The following ZDHHC14 variants were observed in gnomAD, a reference collection of about 807,000 sequenced individuals.
ZDHHC14 encodes zDHHC palmitoyltransferase 14.
In ZDHHC14, 16 loss-of-function variants were observed where a neutral mutation model predicts 47.7. That is an observed-to-expected ratio of 0.34 (90% CI 0.23 to 0.51). The LOEUF is 0.51. Among genes scored for constraint, ZDHHC14 ranks in the 20% least tolerant of loss-of-function variants. The pLI is 0.97. For synonymous variants in ZDHHC14, 293 were observed against 278.9 expected (o/e 1.05, Z -0.50); for missense variants, 515 against 662.5 (o/e 0.78, Z 2.44).
chr6:157,406,519 G>T (rs1777768730), intron 1 of ZDHHC14, among the ~76,000 whole-genome samples: 1 of 152,214 alleles, frequency 6.6e-6, no homozygotes, highest in Non-Finnish European at 1.5e-5. Context: ...GAAATATCTG[G>T]TTAAGCCAGG....
At chr6:157,420,453 C>T (rs190390157) in intron 1 of ZDHHC14, among the ~76,000 whole-genome samples, 68 of 146,626 alleles carry the variant, frequency 4.6e-4, no homozygotes, top group Middle Eastern at 3.8e-3. Flanking sequence ...TGGGCTGAAT[C>T]GAGGCACTAA....
At position 157,672,814 on chromosome 6, in the gene ZDHHC14, G is replaced by A. The variant is rs754474697; in HGVS notation, c.1159G>A (p.Asp387Asn). 12 of 1,612,470 alleles carry A rather than the reference G, an allele frequency of 7.4e-6. No homozygotes were observed. Among genetic ancestry groups the A allele is most frequent in the East Asian group, 2.2e-5 (1 of 44,846 alleles). The change falls in exon 9 of 9, where the codon GAC (aspartate) becomes AAC (asparagine). Residue 387 changes from aspartate to asparagine, a missense_variant. This residue lies in a region of ZDHHC14 where 221 missense variants were observed against 233.6 expected (regional missense o/e 0.95). Transcript: ENST00000359775. ...LLQSEPSLTS[D>N]ELHLPGKPGL... ...GCAGAGCGAGCCCAGCCTCACCAGCGACGAGCTGCACCTGCCCGGGAAGCC... is the reference window on the plus strand; with the variant it reads ...GCAGAGCGAGCCCAGCCTCACCAGCAACGAGCTGCACCTGCCCGGGAAGCC...
chr6:157,631,388 G>C (rs1258151164), intron 4 of ZDHHC14: 2 of 152,210 alleles, frequency 1.3e-5, no homozygotes, highest in Non-Finnish European at 2.9e-5. Flanking sequence ...CTGGGCAAAA[G>C]CAAATAAAAC....
At chr6:157,405,801 G>C (rs1777747475) in intron 1 of ZDHHC14, among the ~76,000 whole-genome samples, 1 of 152,128 alleles carries the variant, frequency 6.6e-6, no homozygotes, top group South Asian at 2.1e-4. Flanking sequence ...TTGATGTAAT[G>C]ACTGGCCTTA....
At chr6:157,457,227 A>C (rs367930626) in intron 1 of ZDHHC14, among the ~76,000 whole-genome samples, 4 of 149,682 alleles carry the variant, frequency 2.7e-5, no homozygotes, top group Admixed American at 6.6e-5. Context: ...TTGGCGCCAG[A>C]GTGGGCCACA....
At chr6:157,433,762 C>T (rs1039960050) in intron 1 of ZDHHC14, among the ~76,000 whole-genome samples, 1 of 152,246 alleles carries the variant, frequency 6.6e-6, no homozygotes, top group African/African-American at 2.4e-5. Context: ...TGGCCTTTAT[C>T]GGCCTTGACG....
intron 2 of ZDHHC14, among the ~76,000 whole-genome samples, chr6:157,573,992 A>G (rs150870696): frequency 0.042 from 6,306 of 151,876 alleles, 157 homozygotes; most frequent in Non-Finnish European, 0.056. Context: ...TTAGGTTCCT[A>G]GGGCCTCGGC....
chr6:157,548,324 A>G (rs1167431478), intron 2 of ZDHHC14, among the ~76,000 whole-genome samples: 1 of 152,200 alleles, frequency 6.6e-6, no homozygotes, highest in Non-Finnish European at 1.5e-5. Flanking sequence ...TGACTAGGCC[A>G]TGGAGGTCCA....
intron 1 of ZDHHC14, among the ~76,000 whole-genome samples, chr6:157,508,930 C>A (rs147196145): frequency 0.028 from 4,264 of 152,200 alleles, 177 homozygotes; most frequent in African/African-American, 0.097. Flanking sequence ...AAAGAGAGAG[C>A]CCACTTCCAG....
At position 157,537,113 on chromosome 6, in the gene ZDHHC14, C is replaced by T. The variant is rs1049885127; in HGVS notation, c.246-5472C>T. ...GATTACAGGCGTGAGCCACCGCGCC[C>T]GGCTCCATCTATCTTTTTAATGACC... On this transcript the variant is annotated intron_variant, in intron 1 of 8. Coordinates refer to ENST00000359775, the MANE Select transcript of ZDHHC14 (RefSeq NM_024630.3). 2.2e-4 allele frequency among the ~76,000 whole-genome samples: 12 copies of T among 55,710 alleles called. 3 individuals carry two copies. The highest frequency in any genetic ancestry group is 4.5e-4 in the Non-Finnish European group (11 of 24,268). The allele number at this position is 55,710 out of a possible 152,430, so 36.5% of individuals were successfully genotyped here. A position where few individuals can be genotyped will look rare whatever the true frequency, so the allele number is the denominator to read the frequency against.
chr6:157,500,462 G>C (rs1371342003), intron 1 of ZDHHC14, among the ~76,000 whole-genome samples: 1 of 152,090 alleles, frequency 6.6e-6, no homozygotes, highest in Non-Finnish European at 1.5e-5. Context: ...ACGTAAGGGG[G>C]CAGGAGAGGA....
intron 2 of ZDHHC14, among the ~76,000 whole-genome samples, chr6:157,573,999 C>T (rs191252640): frequency 2.1e-4 from 32 of 152,018 alleles, no homozygotes; most frequent in African/African-American, 6.5e-4. Context: ...CCTAGGGCCT[C>T]GGCTGTGCTA....
chr6:157,663,117 A>T (rs908245695), intron 8 of ZDHHC14, among the ~76,000 whole-genome samples: 2 of 152,220 alleles, frequency 1.3e-5, no homozygotes, highest in Non-Finnish European at 2.9e-5. Context: ...TTGGAGTCCC[A>T]TGCCCTCCCT....
At chr6:157,392,574 T>C (rs952432286) in intron 1 of ZDHHC14, among the ~76,000 whole-genome samples, 1 of 152,130 alleles carries the variant, frequency 6.6e-6, no homozygotes, top group African/African-American at 2.4e-5. Context: ...GTAGACTTTC[T>C]AGTCTTCGGT....
chr6:157,601,038 A>G (rs1784318050), intron 3 of ZDHHC14, among the ~76,000 whole-genome samples: 1 of 152,198 alleles, frequency 6.6e-6, no homozygotes, highest in Non-Finnish European at 1.5e-5. Flanking sequence ...GGAGCTCGGG[A>G]GAGGCCCTGA....
At chr6:157,499,873 G>A (rs564975200) in intron 1 of ZDHHC14, among the ~76,000 whole-genome samples, 5 of 152,264 alleles carry the variant, frequency 3.3e-5, no homozygotes, top group South Asian at 2.1e-4. Context: ...TTCATTCAAC[G>A]AATATTTGCT....
At chr6:157,504,764 A>G (rs142432778) in intron 1 of ZDHHC14, among the ~76,000 whole-genome samples, 1,732 of 151,118 alleles carry the variant, frequency 0.011, 18 homozygotes, top group Non-Finnish European at 0.018. Context: ...GCTAAAGACT[A>G]CATGCAGTAA....
intron 1 of ZDHHC14, among the ~76,000 whole-genome samples, chr6:157,471,429 C>T (rs1779353192): frequency 6.6e-6 from 1 of 152,200 alleles, no homozygotes; most frequent in Non-Finnish European, 1.5e-5. Flanking sequence ...ACCTGCTGCC[C>T]CCTCCCCATC....
At chr6:157,392,190 A>G (rs555196102) in intron 1 of ZDHHC14, among the ~76,000 whole-genome samples, 15 of 152,202 alleles carry the variant, frequency 9.9e-5, no homozygotes, top group Non-Finnish European at 2.2e-4. Flanking sequence ...ATATTAAAAT[A>G]TTTATTACAA....
Sources: allele counts gnomAD v4.1 joint callset (sites outside exome capture counted in the v4.1 genomes callset), GRCh38; gene constraint gnomAD v4.1.1; regional missense constraint gnomAD v4.1.1; transcripts MANE v1.5; gene names NCBI Gene and HGNC (gene_info 2026-07-23, HGNC 2026-07-21).